The following UBE3B variants were observed in gnomAD, a reference collection of about 807,000 sequenced individuals.
UBE3B encodes the protein ubiquitin-protein ligase E3B.
Under a neutral mutation model 132.3 loss-of-function variants are expected in UBE3B, and 80 were observed. The observed-to-expected ratio is 0.60, with a 90% confidence interval of 0.50 to 0.73. UBE3B has a LOEUF of 0.73. Among genes scored for constraint, UBE3B ranks in the 30% least tolerant of loss-of-function variants. The pLI is 0.00. For missense variants in UBE3B, 1,196 were observed against 1,362.5 expected (o/e 0.88, Z 1.92); for synonymous variants, 487 against 520.4 (o/e 0.94, Z 0.87).
Position 109,534,458 on chromosome 12 carries a change from AG to A in UBE3B, c.3016-130del. The A allele has an allele frequency of 6.9e-7, 1 of 1,443,950 alleles. No homozygotes were observed. Among genetic ancestry groups the A allele is most frequent in the Non-Finnish European group, 9.1e-7 (1 of 1,101,016 alleles). The allele number at this position is 1,443,950 out of a possible 1,614,324, so 89.4% of individuals were successfully genotyped here. A position where few individuals can be genotyped will look rare whatever the true frequency, so the allele number is the denominator to read the frequency against. On this transcript the variant is annotated intron_variant, in intron 27 of 27. Coordinates refer to ENST00000342494, the MANE Select transcript of UBE3B (RefSeq NM_130466.4). This position sits in a 1 kb window ranked among gnomAD's most constrained non-coding sequence, Gnocchi z 5.2. Reference sequence around the variant, plus strand: ...GGGCTTGACCTCGGGTAGTGGTGCCAGGGCAGCGCCCTGCACTCTGCCCAGC... The same window carrying A: ...GGGCTTGACCTCGGGTAGTGGTGCCAGGCAGCGCCCTGCACTCTGCCCAGC...
intron 9 of UBE3B, among the ~76,000 whole-genome samples, chr12:109,493,193 C>G (rs1393709625): frequency 6.6e-6 from 1 of 152,182 alleles, no homozygotes; most frequent in African/African-American, 2.4e-5. Context: ...GCCTAAGAAA[C>G]AGATTCACTG....
rs1374912513 is a variant in UBE3B, at chr12:109,499,779, C to A, written c.1087C>A (p.Leu363Ile). 21 of 1,609,406 alleles carry A rather than the reference C, an allele frequency of 1.3e-5. No individual in the cohort carries two copies. The highest frequency in any genetic ancestry group is 1.7e-5 in the Non-Finnish European group (20 of 1,177,580). The change falls in exon 12 of 28, where the codon CTT becomes ATT. Residue 363 changes from leucine to isoleucine, a missense_variant. Transcript: ENST00000342494. ...CAACCTGACCCACTGGCATCCTGTCCTTGGCTGGTTCTCCCAATCTGTGGA... is the reference window on the plus strand; with the variant it reads ...CAACCTGACCCACTGGCATCCTGTCATTGGCTGGTTCTCCCAATCTGTGGA... ...KSNLTHWHPV[L>I]GWFSQSVDYG...
chr12:109,506,931 C>T (rs187321189), intron 14 of UBE3B, among the ~76,000 whole-genome samples: 7 of 152,208 alleles, frequency 4.6e-5, no homozygotes, highest in Admixed American at 1.3e-4. Context: ...AAGGCAAAGC[C>T]GAGGTGTAAC....
At chr12:109,520,337 A>C (rs2136055493) in intron 19 of UBE3B, 2 of 152,400 alleles carry the variant, frequency 1.3e-5, no homozygotes, top group Middle Eastern at 3.4e-3. Context: ...AGGCCTCAAC[A>C]GATTAGAATC....
At chr12:109,507,394 C>T (rs1879818912) in intron 14 of UBE3B, among the ~76,000 whole-genome samples, 170 bp from the exon 15 acceptor site, 1 of 152,228 alleles carries the variant, frequency 6.6e-6, no homozygotes, top group African/African-American at 2.4e-5. Context: ...TGGCTCTTAT[C>T]ATTGTTACTC....
intron 23 of UBE3B, among the ~76,000 whole-genome samples, chr12:109,525,972 C>A (rs563087791): frequency 5.9e-5 from 9 of 152,256 alleles, no homozygotes; most frequent in Non-Finnish European, 1.0e-4. Context: ...ACATCAGTGG[C>A]CTTTTTTCAC....
the UBE3B span, among the ~76,000 whole-genome samples, chr12:109,544,290 G>A: frequency 2.6e-5 from 4 of 151,634 alleles, no homozygotes; most frequent in South Asian, 2.1e-4. Context: ...CACTCAGAGC[G>A]AGAGAGAGGG....
Position 109,488,602 on chromosome 12 carries a change from A to G in UBE3B, c.478A>G (p.Thr160Ala). The change falls in exon 7 of 28, where the codon ACC becomes GCC. Residue 160 changes from threonine to alanine, a missense_variant. Physicochemically the swap from Thr to Ala is moderately conservative, Grantham distance 58 (BLOSUM62 0). Transcript: ENST00000342494. ...AATCCTGCAGGACTCCCGACTCATCACCCTGTACCTCACGATGCTTGTCAC... is the reference window on the plus strand; with the variant it reads ...AATCCTGCAGGACTCCCGACTCATCGCCCTGTACCTCACGATGCTTGTCAC... The part of the protein sequence containing the change: ...PEILQDSRLI[T>A]LYLTMLVTFT... 1.2e-6 allele frequency: 2 copies of G among 1,614,142 alleles called. No homozygotes were observed. Among genetic ancestry groups the G allele is most frequent in the African/African-American group, 2.7e-5 (2 of 75,050 alleles).
At chr12:109,496,656 A>G (rs906097080) in intron 9 of UBE3B, among the ~76,000 whole-genome samples, 9 of 152,164 alleles carry the variant, frequency 5.9e-5, no homozygotes, top group African/African-American at 2.2e-4. Context: ...ACATCTTTTC[A>G]TGTGCTTATT....
At chr12:109,516,949 G>T in intron 19 of UBE3B, 65 bp downstream of exon 19, 3 of 1,581,038 alleles carry the variant, frequency 1.9e-6, no homozygotes, top group Non-Finnish European at 2.6e-6. Context: ...AAGCTCTTTA[G>T]TGGACGGTCT....
intron 24 of UBE3B, among the ~76,000 whole-genome samples, chr12:109,529,534 T>G (rs1327774304): frequency 1.3e-5 from 2 of 152,206 alleles, no homozygotes; most frequent in Non-Finnish European, 1.5e-5. Flanking sequence ...TGAGATTAAA[T>G]GAAAGTCCAA....
At position 109,497,788 on chromosome 12, in the gene UBE3B, G is replaced by T. The variant is rs767979699; in HGVS notation, c.714-30G>T. ...TTGTTCTGGATGCACACGGAGACCT[G>T]TCTGAATGAGTGGATCTATCTGTGT... On this transcript the variant is annotated intron_variant, in intron 9 of 27. Transcript: ENST00000342494. The T allele has an allele frequency of 9.3e-6, 15 of 1,611,228 alleles. No individual in the cohort carries two copies. The East Asian group carries it at 2.7e-4, about 29-fold the overall frequency.
At chr12:109,482,046 G>A (rs1198228388) in intron 2 of UBE3B, among the ~76,000 whole-genome samples, 1 of 151,946 alleles carries the variant, frequency 6.6e-6, no homozygotes, top group Non-Finnish European at 1.5e-5. Context: ...CTTTTTTTTG[G>A]TTATAAAAGG....
chr12:109,495,275 C>T (rs907102842), intron 9 of UBE3B, among the ~76,000 whole-genome samples: 11 of 152,244 alleles, frequency 7.2e-5, no homozygotes, highest in African/African-American at 2.7e-4. Context: ...AACACCTCTG[C>T]TCATTGCTAT....
chr12:109,482,655 A>G (rs1001309406), intron 2 of UBE3B, among the ~76,000 whole-genome samples: 1 of 152,264 alleles, frequency 6.6e-6, no homozygotes, highest in Non-Finnish European at 1.5e-5. Flanking sequence ...TCAAGCATCT[A>G]AAGAAATCAT....
At position 109,522,524 on chromosome 12, in the gene UBE3B, A is replaced by G. The variant is rs975540245; in HGVS notation, c.2364+973A>G. 3.3e-5 allele frequency among the ~76,000 whole-genome samples: 5 copies of G among 152,232 alleles called. No individual in the cohort carries two copies. The highest frequency in any genetic ancestry group is 7.3e-5 in the Non-Finnish European group (5 of 68,036). On this transcript the variant is annotated intron_variant, in intron 21 of 27. Coordinates refer to ENST00000342494, the MANE Select transcript of UBE3B (RefSeq NM_130466.4). The surrounding 1 kb of genome is among the most constrained non-coding windows in gnomAD (Gnocchi z 4.2). ...CAGGCTCTGCTGAGCTTCTGGCCCA[A>G]GCACGGAGGAAGCGAGCCACCTGGG...
At chr12:109,544,612 C>T in the UBE3B span, among the ~76,000 whole-genome samples, 1 of 152,202 alleles carries the variant, frequency 6.6e-6, no homozygotes, top group Non-Finnish European at 1.5e-5. Flanking sequence ...CAGATCCCCC[C>T]AGCCCATGCA....
At chr12:109,518,867 T>C (rs951990184) in intron 19 of UBE3B, among the ~76,000 whole-genome samples, 3 of 152,204 alleles carry the variant, frequency 2.0e-5, no homozygotes, top group Non-Finnish European at 4.4e-5. Flanking sequence ...TTCATTGTTA[T>C]CCCAGTTGTC....
In UBE3B at chr12:109,477,783, C is replaced by T. The variant is rs1874544304; in HGVS notation, c.-454C>T. 3 of 168,950 alleles carry T rather than the reference C, an allele frequency of 1.8e-5. No homozygotes were observed. In the South Asian group the frequency reaches 3.3e-4, roughly 19 times the overall value. The allele number at this position is 168,950 out of a possible 1,614,324, so 10.5% of individuals were successfully genotyped here. On this transcript the variant is annotated 5_prime_UTR_variant, in exon 1 of 28. Coordinates refer to ENST00000342494, the MANE Select transcript of UBE3B (RefSeq NM_130466.4). ...AATAAAGGTCGGCCTGCGGGTAGGC[C>T]GGTAGGGCCTGCGGTCCGGCCTGCG...
Sources: allele counts gnomAD v4.1 joint callset (sites outside exome capture counted in the v4.1 genomes callset), GRCh38; gene constraint gnomAD v4.1.1; non-coding constraint Gnocchi (gnomAD v3.1); transcripts MANE v1.5; gene names NCBI Gene and HGNC (gene_info 2026-07-23, HGNC 2026-07-21).